CA10: variants seen among roughly 807,000 people sequenced by gnomAD.
CA10 encodes carbonic anhydrase-related protein 10.
Under a neutral mutation model 44.2 loss-of-function variants are expected in CA10, and 14 were observed. That is an observed-to-expected ratio of 0.32 (90% CI 0.21 to 0.50). The LOEUF is 0.50. Among genes scored for constraint, CA10 ranks in the 20% least tolerant of loss-of-function variants. The pLI, the probability that CA10 is intolerant of heterozygous loss-of-function variation, is 0.99. For synonymous variants in CA10, 159 were observed against 141.6 expected (o/e 1.12, Z -0.87); for missense variants, 350 against 409.7 (o/e 0.85, Z 1.26).
intron 3 of CA10, among the ~76,000 whole-genome samples, chr17:51,865,807 C>A (rs1979521747): frequency 6.6e-6 from 1 of 152,184 alleles, no homozygotes; most frequent in Admixed American, 6.5e-5. Context: ...GCCTCTATAT[C>A]ATATCTTAGT....
chr17:51,888,034 A>G (rs1414576509), intron 3 of CA10, among the ~76,000 whole-genome samples: 2 of 151,906 alleles, frequency 1.3e-5, no homozygotes, highest in African/African-American at 4.8e-5. Context: ...CAAGAAAACA[A>G]AAACAAAAAC....
At chr17:51,839,670 C>A (rs1339836300) in intron 3 of CA10, among the ~76,000 whole-genome samples, 1 of 152,010 alleles carries the variant, frequency 6.6e-6, no homozygotes, top group African/African-American at 2.4e-5. Flanking sequence ...GACAGGGGAC[C>A]CTGGAGGGGC....
intron 2 of CA10, among the ~76,000 whole-genome samples, chr17:52,036,448 G>C (rs1446889546): frequency 6.6e-6 from 1 of 152,176 alleles, no homozygotes; most frequent in Non-Finnish European, 1.5e-5. Flanking sequence ...ACTCCTGGGA[G>C]CATAGGAAAC....
chr17:51,764,779 A>C (rs1329025916), intron 3 of CA10, among the ~76,000 whole-genome samples: 7 of 152,212 alleles, frequency 4.6e-5, no homozygotes, highest in African/African-American at 1.7e-4. Flanking sequence ...CTGCCTCAGC[A>C]CATTTCTTGA....
intron 3 of CA10, among the ~76,000 whole-genome samples, chr17:51,782,312 G>C (rs1906095109): frequency 6.6e-6 from 1 of 152,222 alleles, no homozygotes; most frequent in Non-Finnish European, 1.5e-5. Context: ...ACAGCTGCCT[G>C]AAAATCTAGG....
rs764152808 is a variant in CA10 at position 51,633,504 on chromosome 17, G to T, written c.936C>A (p.Asn312Lys). 29 of 1,613,870 alleles carry T rather than the reference G, an allele frequency of 1.8e-5. No homozygotes were observed. The highest frequency in any genetic ancestry group is 2.4e-5 in the Non-Finnish European group (28 of 1,179,858). Residue 312 changes from asparagine (N) to lysine (K), a missense_variant, in exon 8 of 9, where the codon AAC becomes AAA. Physicochemically the swap from Asn to Lys is moderately conservative, Grantham distance 94. Coordinates refer to ENST00000451037, the MANE Select transcript of CA10 (RefSeq NM_020178.5). ...TATACTGAAGCTTCTGGGCTCGGTT[G>T]TTTGGACAGTCCTTCCCCTGTAAAC... ...NFSLQGKDCPNNRAQKLQYRV... is the reference protein window; with the variant it reads ...NFSLQGKDCPKNRAQKLQYRV...
chr17:51,738,658 C>A (rs1916990631), intron 4 of CA10, among the ~76,000 whole-genome samples: 1 of 152,042 alleles, frequency 6.6e-6, no homozygotes, highest in South Asian at 2.1e-4. Flanking sequence ...CTCATCATGG[C>A]TTATGTTTTG....
chr17:51,630,760 C>T lies in CA10; in HGVS notation c.*824G>A, dbSNP rs192787528. On this transcript the variant is annotated 3_prime_UTR_variant, in exon 9 of 9. Coordinates refer to ENST00000451037, the MANE Select transcript of CA10 (RefSeq NM_020178.5). The stretch of plus-strand genomic sequence containing the variant: ...GTAAGGAAGGAGAACAGACCAAAGC[C>T]AGAAAAATGAAATTAACTCGTTAAA... 2.4e-4 allele frequency: 37 copies of T among 152,648 alleles called. No individual in the cohort carries two copies. The highest frequency in any genetic ancestry group is 8.9e-4 in the African/African-American group (37 of 41,562). The allele number at this position is 152,648 out of a possible 1,614,324, so 9.5% of individuals were successfully genotyped here.
At chr17:51,794,095 C>G (rs901085215) in intron 3 of CA10, among the ~76,000 whole-genome samples, 9 of 152,210 alleles carry the variant, frequency 5.9e-5, no homozygotes, top group Non-Finnish European at 1.0e-4. Context: ...AACTGCTTTC[C>G]TGCCAGGGTT....
At chr17:51,880,647 C>T (rs1658064343) in intron 3 of CA10, among the ~76,000 whole-genome samples, 1 of 152,124 alleles carries the variant, frequency 6.6e-6, no homozygotes, top group African/African-American at 2.4e-5. Flanking sequence ...CTGTTGGGCT[C>T]ACTGCACCTC....
intron 2 of CA10, among the ~76,000 whole-genome samples, chr17:52,034,608 A>G (rs1986563734): frequency 6.6e-6 from 1 of 152,106 alleles, no homozygotes; most frequent in Non-Finnish European, 1.5e-5. Flanking sequence ...AGGGATCTGA[A>G]GCCAAGCTGT....
chr17:51,920,842 G>A (rs754416066), intron 3 of CA10, among the ~76,000 whole-genome samples: 13 of 152,032 alleles, frequency 8.6e-5, no homozygotes, highest in South Asian at 2.1e-4. Context: ...GAAATCTTCC[G>A]CTCCCTGCAA....
At chr17:51,742,049 G>C (rs921800565) in intron 4 of CA10, among the ~76,000 whole-genome samples, 5 of 152,174 alleles carry the variant, frequency 3.3e-5, no homozygotes, top group Non-Finnish European at 5.9e-5. Context: ...TTGGTCCACA[G>C]GGTATGGTTT....
chr17:51,859,023 T>C (rs906212807), intron 3 of CA10, among the ~76,000 whole-genome samples: 1 of 151,992 alleles, frequency 6.6e-6, no homozygotes, highest in Non-Finnish European at 1.5e-5. Context: ...ATACAAAGCA[T>C]CTAGTAAGTG....
rs142045725 is a variant in CA10 at position 51,713,832 on chromosome 17, A to T, written c.465+33801T>A. Among the ~76,000 whole-genome samples, 4 of 152,322 alleles carry T rather than the reference A, an allele frequency of 2.6e-5. No homozygotes were observed. In the East Asian group the frequency reaches 7.7e-4, roughly 29 times the overall value. The stretch of plus-strand genomic sequence containing the variant: ...GAATTATAGGTGGAGTGAAATATGA[A>T]TGGAAGGTGAATGAAGACAAGTCAA... On this transcript the variant is annotated intron_variant, in intron 4 of 8. Coordinates refer to ENST00000451037, the MANE Select transcript of CA10 (RefSeq NM_020178.5).
intron 6 of CA10, among the ~76,000 whole-genome samples, chr17:51,637,636 A>G (rs1912891475): frequency 6.6e-6 from 1 of 152,252 alleles, no homozygotes; most frequent in Non-Finnish European, 1.5e-5. Context: ...TGGTAAAGGA[A>G]GACTTTCACA....
chr17:51,890,870 T>C (rs756193611), intron 3 of CA10, among the ~76,000 whole-genome samples: 9 of 152,170 alleles, frequency 5.9e-5, no homozygotes, highest in Non-Finnish European at 1.0e-4. Flanking sequence ...TGCCTGCCTG[T>C]CAAGGAGAGA....
chr17:51,959,282 C>CTCTCTGTGTGTG (rs748461115), intron 2 of CA10, among the ~76,000 whole-genome samples: 28 of 134,452 alleles, frequency 2.1e-4, no homozygotes, highest in East Asian at 6.5e-4. Flanking sequence ...CTCTCTCTCT[C>CTCTCTGTGTGTG]TGTGTGTGTG....
At chr17:52,034,972 C>T (rs957040364) in intron 2 of CA10, among the ~76,000 whole-genome samples, 1 of 152,052 alleles carries the variant, frequency 6.6e-6, no homozygotes, top group African/African-American at 2.4e-5. Context: ...TCACACTGGG[C>T]TCACAACAAA....
Sources: allele counts gnomAD v4.1 joint callset (sites outside exome capture counted in the v4.1 genomes callset), GRCh38; gene constraint gnomAD v4.1.1; transcripts MANE v1.5; gene names NCBI Gene and HGNC (gene_info 2026-07-23, HGNC 2026-07-21).